Variants in ANKRD17 observed in about 807,000 individuals in gnomAD.
ANKRD17 encodes ankyrin repeat domain 17, also known as ankyrin repeat domain-containing protein 17.
A neutral mutation model predicts 229.7 loss-of-function variants in ANKRD17; 19 were observed. That is an observed-to-expected ratio of 0.08 (90% CI 0.06 to 0.12). The LOEUF (loss-of-function observed/expected upper bound fraction) is 0.12. ANKRD17 is among the 10% of genes least tolerant of loss of function. The probability of loss-of-function intolerance (pLI) is 1.00; values close to 1 mark genes in which losing one functional copy is unlikely to be tolerated. For synonymous variants in ANKRD17, 1,112 were observed against 1,146.1 expected (o/e 0.97, Z 0.60); for missense variants, 2,176 against 3,176.8 (o/e 0.68, Z 7.57).
chr4:73,167,158 G>T (rs1462893976), intron 2 of ANKRD17, among the ~76,000 whole-genome samples: 1 of 152,138 alleles, frequency 6.6e-6, no homozygotes, highest in African/African-American at 2.4e-5. Context: ...AAAAAAGACT[G>T]CCTGTACACT....
intron 1 of ANKRD17, among the ~76,000 whole-genome samples, chr4:73,253,483 C>G (rs746133137): frequency 2.0e-5 from 3 of 152,174 alleles, no homozygotes; most frequent in Non-Finnish European, 4.4e-5. Context: ...TCATTTAACT[C>G]TCATAACAAT....
chr4:73,093,822 T>G lies in ANKRD17; in HGVS notation c.5327+257A>C, dbSNP rs147677071. On this transcript the variant is annotated intron_variant, in intron 28 of 33. Transcript: ENST00000358602. ...TTAAGAATGTCATATAAACAGTTTATGTACAGAAATTATTTATTTAAACCT... is the reference window on the plus strand; with the variant it reads ...TTAAGAATGTCATATAAACAGTTTAGGTACAGAAATTATTTATTTAAACCT... Among the ~76,000 whole-genome samples, 744 of 152,358 alleles carry G rather than the reference T, an allele frequency of 4.9e-3. 8 individuals carry two copies. The highest frequency in any genetic ancestry group is 0.017 in the African/African-American group (697 of 41,588).
intron 2 of ANKRD17, among the ~76,000 whole-genome samples, chr4:73,165,507 T>G (rs933302557): frequency 1.3e-5 from 2 of 152,122 alleles, no homozygotes; most frequent in Non-Finnish European, 2.9e-5. Context: ...CTGGGTTAAT[T>G]ATTCAGAAGA....
At chr4:73,107,127 C>T (rs1455526979) in intron 24 of ANKRD17, among the ~76,000 whole-genome samples, 1 of 152,018 alleles carries the variant, frequency 6.6e-6, no homozygotes, top group Non-Finnish European at 1.5e-5. Context: ...ATCATGATGA[C>T]AGTGCTGATA....
At chr4:73,155,461 C>A (rs139977479) in intron 5 of ANKRD17, among the ~76,000 whole-genome samples, 170 bp downstream of exon 5, 3 of 152,194 alleles carry the variant, frequency 2.0e-5, no homozygotes, top group African/African-American at 7.2e-5. Context: ...GGAAGAATAT[C>A]ATTTGAAATA....
intron 1 of ANKRD17, among the ~76,000 whole-genome samples, chr4:73,190,829 C>T (rs927675804): frequency 1.3e-5 from 2 of 151,722 alleles, no homozygotes; most frequent in African/African-American, 2.4e-5. Context: ...TCCAGGAATA[C>T]ACCTAACAAG....
At chr4:73,206,424 G>T (rs1160182768) in intron 1 of ANKRD17, among the ~76,000 whole-genome samples, 1 of 80,092 alleles carries the variant, frequency 1.2e-5, no homozygotes, top group African/African-American at 5.1e-5. Flanking sequence ...GAGAAAGAAA[G>T]TGAGAGAGAG....
At chr4:73,195,681 G>A (rs949666519) in intron 1 of ANKRD17, among the ~76,000 whole-genome samples, 1 of 151,948 alleles carries the variant, frequency 6.6e-6, no homozygotes, top group Non-Finnish European at 1.5e-5. Context: ...GCTAATTTTT[G>A]CATTTTTAGT....
At chr4:73,112,857 G>A (rs1725485721) in intron 24 of ANKRD17, 3 of 337,864 alleles carry the variant, frequency 8.9e-6, no homozygotes, top group Non-Finnish European at 1.3e-5. Flanking sequence ...GCGTGATCTT[G>A]GCTCACTGCA....
chr4:73,140,116 A>G lies in ANKRD17; in HGVS notation c.2500T>C (p.Ser834Pro), dbSNP rs1729421334. Reference protein sequence around the residue: ...EAIEKNAQLQSLELAHADQLT... With the variant: ...EAIEKNAQLQPLELAHADQLT... ...TGGTCAGCATGAGCCAGTTCCAAGG[A>G]CTGCAGCTGTGCATTCTTTTCTATG... Residue 834 changes from serine (S) to proline (P), a missense_variant, in exon 15 of 34, where the codon TCC (serine) becomes CCC (proline). This residue lies in a region of ANKRD17 where 275 missense variants were observed against 386.9 expected (regional missense o/e 0.71). Coordinates refer to ENST00000358602, the MANE Select transcript of ANKRD17 (RefSeq NM_032217.5). The G allele has an allele frequency of 6.2e-7, 1 of 1,614,038 alleles. No individual in the cohort carries two copies. The highest frequency in any genetic ancestry group is 1.3e-5 in the African/African-American group (1 of 74,910).
At chr4:73,207,020 C>T (rs765136342) in intron 1 of ANKRD17, among the ~76,000 whole-genome samples, 3 of 152,212 alleles carry the variant, frequency 2.0e-5, no homozygotes, top group Non-Finnish European at 2.9e-5. Context: ...GACAGGGTTT[C>T]GCCATGTTGG....
In ANKRD17 at chr4:73,221,609, TG is replaced by T. The variant is rs546201112; in HGVS notation, c.393+36666del. 2.5e-3 allele frequency among the ~76,000 whole-genome samples: 377 copies of T among 152,344 alleles called. 2 individuals carry two copies. Among genetic ancestry groups the T allele is most frequent in the South Asian group, 0.016 (77 of 4,828 alleles). On this transcript the variant is annotated intron_variant, in intron 1 of 33. Transcript: ENST00000358602. ...TAAACTGAACCACTAAAAAGTCATG[TG>T]GCCACTTGTAATTACTAAACTCCTT...
At chr4:73,170,856 A>G (rs1733896893) in intron 2 of ANKRD17, among the ~76,000 whole-genome samples, 2 of 152,114 alleles carry the variant, frequency 1.3e-5, no homozygotes, top group African/African-American at 4.8e-5. Context: ...ATACAGTACA[A>G]TAGACCCTCA....
At chr4:73,256,427 T>C (rs566416958) in intron 1 of ANKRD17, among the ~76,000 whole-genome samples, 10 of 152,348 alleles carry the variant, frequency 6.6e-5, no homozygotes, top group Admixed American at 6.5e-4. Context: ...GTATTTTGCC[T>C]ATAGCTGCAT....
intron 1 of ANKRD17, among the ~76,000 whole-genome samples, chr4:73,250,769 C>T (rs1232867079): frequency 2.6e-5 from 4 of 151,472 alleles, no homozygotes; most frequent in Admixed American, 1.3e-4. Flanking sequence ...TGCAAGGGCG[C>T]GATCTCTGCT....
chr4:73,121,280 A>AT, intron 19 of ANKRD17, 186 bp from the exon 20 acceptor site: 1 of 635,264 alleles, frequency 1.6e-6, no homozygotes, highest in Non-Finnish European at 2.7e-6. Flanking sequence ...TTATTAGAAT[A>AT]TTTTTTGTAT....
At chr4:73,110,587 T>G (rs1044491299) in intron 24 of ANKRD17, among the ~76,000 whole-genome samples, 11 of 152,256 alleles carry the variant, frequency 7.2e-5, no homozygotes, top group African/African-American at 2.4e-4. Flanking sequence ...CAAGACCAAC[T>G]CCAGCGATGA....
Position 73,102,377 on chromosome 4 carries a change from T to C in ANKRD17, c.4572A>G (p.Glu1524=). The C allele has an allele frequency of 6.3e-7, 1 of 1,578,456 alleles. No individual in the cohort carries two copies. Among genetic ancestry groups the C allele is most frequent in the Non-Finnish European group, 8.5e-7 (1 of 1,171,612 alleles). Residue 1524 remains glutamate (E), a splice_region_variant and synonymous_variant, in exon 25 of 34, where the codon GAA becomes GAG. Coordinates refer to ENST00000358602, the MANE Select transcript of ANKRD17 (RefSeq NM_032217.5). ...GGGATGGTTGTTAAGAGAAAATACC[T>C]TCAACTTTAAGCTTTTCTTTTTCTT... ...AAQEKEKLKV[E]DEPEVLTEPP... is the part of the protein sequence containing the mutation.
chr4:73,195,141 G>A (rs1393588272), intron 1 of ANKRD17, among the ~76,000 whole-genome samples: 1 of 151,882 alleles, frequency 6.6e-6, no homozygotes, highest in Non-Finnish European at 1.5e-5. Flanking sequence ...TTTTTCTTGA[G>A]TGTGCTGATA....
Sources: allele counts gnomAD v4.1 joint callset (sites outside exome capture counted in the v4.1 genomes callset), GRCh38; gene constraint gnomAD v4.1.1; regional missense constraint gnomAD v4.1.1; transcripts MANE v1.5; gene names NCBI Gene and HGNC (gene_info 2026-07-23, HGNC 2026-07-21).